Variants in HACE1 observed in about 807,000 individuals in gnomAD.
HACE1 encodes E3 ubiquitin-protein ligase HACE1.
In HACE1, 73 loss-of-function variants were observed where a neutral mutation model predicts 118.4. The ratio of observed to expected loss-of-function variants is 0.62; its 90% confidence interval spans 0.51 to 0.75. The LOEUF (loss-of-function observed/expected upper bound fraction) is 0.75. HACE1 is among the 30% of genes least tolerant of loss of function. The pLI is 0.00. For synonymous variants in HACE1, 368 were observed against 374.8 expected (o/e 0.98, Z 0.21); for missense variants, 749 against 1,102.2 (o/e 0.68, Z 4.54).
intron 7 of HACE1, among the ~76,000 whole-genome samples, chr6:104,809,815 G>A (rs9391244): frequency 0.56 from 85,417 of 151,488 alleles, 25,665 homozygotes; most frequent in African/African-American, 0.79. Flanking sequence ...TTCAGATTCC[G>A]AACATATTCT....
intron 4 of HACE1, 53 bp downstream of exon 4, chr6:104,849,089 C>G: frequency 1.0e-6 from 1 of 1,001,358 alleles, no homozygotes; most frequent in Non-Finnish European, 1.6e-6. Flanking sequence ...AGGCAAAGTG[C>G]CTTGAATAAC....
intron 21 of HACE1, 45 bp downstream of exon 21, chr6:104,744,467 A>G (rs1324088519): frequency 9.1e-7 from 1 of 1,101,924 alleles, no homozygotes; most frequent in Non-Finnish European, 1.4e-6. Flanking sequence ...TTACAAAATT[A>G]AACGGCAAAA....
Position 104,796,999 on chromosome 6 carries a change from A to T in HACE1, c.644T>A (p.Ile215Asn). The T allele has an allele frequency of 6.3e-7, 1 of 1,596,804 alleles. No individual in the cohort carries two copies. Among genetic ancestry groups the T allele is most frequent in the Non-Finnish European group, 8.6e-7 (1 of 1,164,404 alleles). Residue 215 changes from isoleucine (I) to asparagine (N), a missense_variant, in exon 8 of 24, where the codon ATC becomes AAC. By Grantham distance (149) the Ile-to-Asn change is moderately radical. Coordinates refer to ENST00000262903, the MANE Select transcript of HACE1 (RefSeq NM_020771.4). ...ATATTTGGCTCCTCGTAATAGTAGGATCTGTGCTGTATCTCTCTGACCATG... is the reference window on the plus strand; with the variant it reads ...ATATTTGGCTCCTCGTAATAGTAGGTTCTGTGCTGTATCTCTCTGACCATG... ...CSHGQRDTAQILLLRGAKYLP... is the reference protein window; with the variant it reads ...CSHGQRDTAQNLLLRGAKYLP...
At position 104,796,629 on chromosome 6, in the gene HACE1, A is replaced by T. The variant is rs191070918; in HGVS notation, c.816+26T>A. The T allele has an allele frequency of 4.7e-6, 5 of 1,072,818 alleles. No homozygotes were observed. In the Admixed American group the frequency reaches 8.5e-5, roughly 18 times the overall value. 66.5% of individuals were successfully genotyped at this position (1,072,818 alleles called of 1,614,324 possible). The stretch of plus-strand genomic sequence containing the variant: ...GAGCAGGAATAAAGCTTCTTCATTT[A>T]CAAGCTACTATCACAAATACAATAC... On this transcript the variant is annotated intron_variant, in intron 9 of 23. Transcript: ENST00000262903.
At chr6:104,859,530 A>G in intron 1 of HACE1, 37 bp downstream of exon 1, 1 of 1,466,104 alleles carries the variant, frequency 6.8e-7, no homozygotes, top group Non-Finnish European at 9.1e-7. Context: ...GGCCGCCCCC[A>G]GCCCCGCGGC....
intron 20 of HACE1, among the ~76,000 whole-genome samples, chr6:104,749,216 G>T (rs7764251): frequency 0.45 from 67,611 of 151,852 alleles, 17,278 homozygotes; most frequent in African/African-American, 0.72. Context: ...AAGCCATATT[G>T]CAGTCAGGTC....
At chr6:104,843,464 C>G (rs766205493) in intron 4 of HACE1, among the ~76,000 whole-genome samples, 166 bp from the exon 5 acceptor site, 2 of 152,102 alleles carry the variant, frequency 1.3e-5, no homozygotes, top group East Asian at 3.9e-4. Flanking sequence ...CACTACTTGA[C>G]GCAAGATACA....
In HACE1 at chr6:104,859,762, A is replaced by C; in HGVS notation, c.-120T>G. On this transcript the variant is annotated 5_prime_UTR_variant, in exon 1 of 24. Transcript: ENST00000262903. ...GCGGAGACGCGGGCTTGCCCCGGCT[A>C]GAGCACTGAGCTGCGAGGGCTGCCT... 1 of 947,688 alleles carries C rather than the reference A, an allele frequency of 1.1e-6. No individual in the cohort carries two copies. The highest frequency in any genetic ancestry group is 1.6e-6 in the Non-Finnish European group (1 of 643,094). The allele number at this position is 947,688 out of a possible 1,614,324, so 58.7% of individuals were successfully genotyped here. A position where few individuals can be genotyped will look rare whatever the true frequency, so the allele number is the denominator to read the frequency against.
In HACE1 at chr6:104,791,879, C is replaced by G. The variant is rs1783065137; in HGVS notation, c.924-225G>C. On this transcript the variant is annotated intron_variant, in intron 10 of 23. Coordinates refer to ENST00000262903, the MANE Select transcript of HACE1 (RefSeq NM_020771.4). ...ATTTCTTAAGCACCCAGAATATAAC[C>G]AATGATCAAAGCATAAAACATGAAG... Among the ~76,000 whole-genome samples, 5 of 152,124 alleles carry G rather than the reference C, an allele frequency of 3.3e-5. No individual in the cohort carries two copies. The South Asian group carries it at 1.0e-3, about 32-fold the overall frequency.
At chr6:104,769,894 C>T (rs1408470968) in intron 19 of HACE1, among the ~76,000 whole-genome samples, 1 of 151,964 alleles carries the variant, frequency 6.6e-6, no homozygotes, top group Non-Finnish European at 1.5e-5. Flanking sequence ...AAAATTATGT[C>T]GCTTGCTAAT....
chr6:104,750,535 T>G (rs557469569), intron 19 of HACE1, 63 bp from the exon 20 acceptor site: 1 of 1,404,556 alleles, frequency 7.1e-7, no homozygotes, highest in East Asian at 2.5e-5. Flanking sequence ...AATGTTAATA[T>G]AATTATTTCT....
chr6:104,793,180 T>C (rs1429402033), intron 10 of HACE1, among the ~76,000 whole-genome samples: 1 of 145,698 alleles, frequency 6.9e-6, no homozygotes, highest in Non-Finnish European at 1.5e-5. Flanking sequence ...GGCAGGAGGA[T>C]GGCATGAACC....
At chr6:104,842,419 C>G (rs987526995) in intron 5 of HACE1, 1 of 151,296 alleles carries the variant, frequency 6.6e-6, no homozygotes, top group Non-Finnish European at 1.5e-5. Context: ...GCCTGGCCAA[C>G]GTGGTGAAAC....
intron 7 of HACE1, among the ~76,000 whole-genome samples, chr6:104,803,799 C>T (rs571057290): frequency 6.8e-4 from 104 of 152,136 alleles, no homozygotes; most frequent in African/African-American, 2.1e-3. Flanking sequence ...CTTTGAAAAC[C>T]GACACAAGAG....
intron 22 of HACE1, among the ~76,000 whole-genome samples, chr6:104,741,067 T>G (rs1431164041): frequency 8.6e-6 from 1 of 115,838 alleles, no homozygotes; most frequent in Non-Finnish European, 1.7e-5. Context: ...AACCACATGA[T>G]TATCTCAATA....
chr6:104,755,686 T>C (rs541715397), intron 19 of HACE1, among the ~76,000 whole-genome samples: 1 of 152,188 alleles, frequency 6.6e-6, no homozygotes, highest in African/African-American at 2.4e-5. Context: ...GACTCTTGGG[T>C]AAACAACAAA....
intron 20 of HACE1, among the ~76,000 whole-genome samples, chr6:104,748,663 T>C (rs943181091): frequency 5.3e-5 from 8 of 152,168 alleles, no homozygotes; most frequent in Non-Finnish European, 8.8e-5. Context: ...AACTGAAAAG[T>C]ACCCACTAAA....
intron 19 of HACE1, chr6:104,767,067 ATTAAGGCTG>A (rs1780099183): frequency 6.6e-6 from 1 of 152,254 alleles, no homozygotes; most frequent in South Asian, 2.1e-4. Context: ...ATGTTTTAAT[ATTAAGGCTG>A]TTTCCACACT....
At chr6:104,753,701 AAAC>A (rs1219693778) in intron 19 of HACE1, among the ~76,000 whole-genome samples, 5 of 152,196 alleles carry the variant, frequency 3.3e-5, no homozygotes, top group African/African-American at 9.7e-5. Flanking sequence ...AATCAACAGA[AAAC>A]AACAACAATA....
Sources: allele counts gnomAD v4.1 joint callset (sites outside exome capture counted in the v4.1 genomes callset), GRCh38; gene constraint gnomAD v4.1.1; transcripts MANE v1.5; gene names NCBI Gene and HGNC (gene_info 2026-07-23, HGNC 2026-07-21).